The following RIMS2 variants were observed in gnomAD, a reference collection of about 807,000 sequenced individuals.
RIMS2 encodes regulating synaptic membrane exocytosis protein 2.
RIMS2 carries 59 observed loss-of-function variants against 174.4 expected under a neutral mutation model. That is an observed-to-expected ratio of 0.34 (90% confidence interval 0.27 to 0.42). RIMS2 has a LOEUF of 0.42. Ranked by LOEUF, RIMS2 falls within the 10% of genes least tolerant of loss-of-function variation. The pLI, the probability that RIMS2 is intolerant of heterozygous loss-of-function variation, is 1.00. For missense variants in RIMS2, 1,620 were observed against 1,666.3 expected (o/e 0.97, Z 0.48); for synonymous variants, 606 against 572.5 (o/e 1.06, Z -0.84).
At chr8:103,608,863 A>G (rs6990447) in intron 1 of RIMS2, among the ~76,000 whole-genome samples, 27,531 of 151,980 alleles carry the variant, frequency 0.18, 2,715 homozygotes, top group African/African-American at 0.25. Flanking sequence ...CGCACGGTGC[A>G]CGCACCCACT....
intron 1 of RIMS2, among the ~76,000 whole-genome samples, chr8:103,607,097 C>T (rs976655601): frequency 4.6e-5 from 7 of 151,900 alleles, no homozygotes; most frequent in African/African-American, 7.3e-5. Flanking sequence ...TTCCTAGTCT[C>T]GATGGTCTTT....
At chr8:103,686,408 C>T (rs1268478490) in intron 1 of RIMS2, among the ~76,000 whole-genome samples, 1 of 152,108 alleles carries the variant, frequency 6.6e-6, no homozygotes, top group East Asian at 1.9e-4. Flanking sequence ...TGCTTTATTA[C>T]TGATCTTAGG....
intron 19 of RIMS2, among the ~76,000 whole-genome samples, chr8:104,128,697 C>CA (rs1401583530): frequency 2.6e-5 from 4 of 151,576 alleles, no homozygotes; most frequent in East Asian, 1.9e-4. Context: ...AACTCCATCA[C>CA]AAAAAAATAA....
Position 103,885,296 on chromosome 8 carries a change from A to T in RIMS2, c.699-2A>T. 1 of 1,556,766 alleles carries T rather than the reference A, an allele frequency of 6.4e-7. No individual in the cohort carries two copies. Among genetic ancestry groups the T allele is most frequent in the South Asian group, 1.2e-5 (1 of 82,860 alleles). On this transcript the variant is annotated splice_acceptor_variant, in intron 3 of 23. Transcript: ENST00000504942. LOFTEE classifies it high-confidence loss of function. ...CATTGTTCTTTTCCTTTGGTTACTT[A>T]GGAAAAGAAGCCCATCTGTGTCCAG...
chr8:103,602,650 C>G (rs1419399804), intron 1 of RIMS2, among the ~76,000 whole-genome samples: 1 of 152,138 alleles, frequency 6.6e-6, no homozygotes, highest in Non-Finnish European at 1.5e-5. Context: ...TTTTTTATGG[C>G]TGGATTGTAT....
intron 3 of RIMS2, among the ~76,000 whole-genome samples, chr8:103,786,879 T>A (rs1381068466): frequency 6.6e-6 from 1 of 152,036 alleles, no homozygotes; most frequent in East Asian, 1.9e-4. Context: ...GGTGTTAAAG[T>A]CTCCCATTAT....
intron 19 of RIMS2, among the ~76,000 whole-genome samples, chr8:104,198,356 A>G (rs1179634630): frequency 1.3e-5 from 2 of 152,220 alleles, no homozygotes; most frequent in Admixed American, 6.5e-5. Flanking sequence ...GACCAGAGAG[A>G]ATATTTTCAC....
chr8:103,778,655 A>G (rs1348874548), intron 3 of RIMS2, among the ~76,000 whole-genome samples: 1 of 152,124 alleles, frequency 6.6e-6, no homozygotes, highest in Non-Finnish European at 1.5e-5. Context: ...TTATCCATTG[A>G]TAGGCATTTA....
chr8:104,217,776 A>G (rs966257440), intron 19 of RIMS2, among the ~76,000 whole-genome samples: 1 of 152,248 alleles, frequency 6.6e-6, no homozygotes, highest in Non-Finnish European at 1.5e-5. Flanking sequence ...TTTGGATTTC[A>G]TATTCACATC....
intron 19 of RIMS2, among the ~76,000 whole-genome samples, chr8:104,119,538 C>G (rs1566526241): frequency 1.3e-5 from 2 of 152,040 alleles, no homozygotes; most frequent in African/African-American, 4.8e-5. Flanking sequence ...TCTCTTATTC[C>G]TAAGATAAAA....
chr8:104,011,126 C>T (rs1428395305), intron 17 of RIMS2, among the ~76,000 whole-genome samples: 3 of 152,090 alleles, frequency 2.0e-5, no homozygotes, highest in African/African-American at 7.2e-5. Flanking sequence ...GGCATTGCTG[C>T]TTTAAATTTT....
chr8:104,202,732 G>A (rs908107767), intron 19 of RIMS2, among the ~76,000 whole-genome samples: 8 of 152,158 alleles, frequency 5.3e-5, no homozygotes, highest in African/African-American at 1.9e-4. Context: ...TTAATGCCTT[G>A]TTAACCTAAT....
intron 19 of RIMS2, among the ~76,000 whole-genome samples, chr8:104,098,977 T>C (rs931165865): frequency 2.6e-5 from 4 of 152,226 alleles, no homozygotes; most frequent in Admixed American, 6.5e-5. Flanking sequence ...CTATCTATTT[T>C]GTCTATCTAG....
At chr8:103,642,809 A>G (rs1023820853) in intron 1 of RIMS2, among the ~76,000 whole-genome samples, 2 of 151,856 alleles carry the variant, frequency 1.3e-5, no homozygotes, top group Admixed American at 1.3e-4. Flanking sequence ...CTCTGTAGAT[A>G]AGGTGTTTGC....
At chr8:103,736,880 G>T (rs2097691591) in intron 2 of RIMS2, among the ~76,000 whole-genome samples, 2 of 152,100 alleles carry the variant, frequency 1.3e-5, no homozygotes, top group African/African-American at 4.8e-5. Context: ...TTTGTGAGCA[G>T]GAATGAATTG....
intron 1 of RIMS2, among the ~76,000 whole-genome samples, chr8:103,624,136 A>G (rs916495169): frequency 1.3e-5 from 2 of 152,206 alleles, no homozygotes; most frequent in Non-Finnish European, 2.9e-5. Flanking sequence ...TGACTGGCCA[A>G]GGGGGGCCCA....
intron 3 of RIMS2, among the ~76,000 whole-genome samples, chr8:103,857,081 C>T (rs916106280): frequency 6.6e-5 from 10 of 152,080 alleles, no homozygotes; most frequent in South Asian, 2.1e-4. Context: ...AAATCTGCAA[C>T]CTGTCTTCTT....
intron 16 of RIMS2, among the ~76,000 whole-genome samples, chr8:103,987,284 C>A (rs2094431021): frequency 6.6e-6 from 1 of 151,860 alleles, no homozygotes; most frequent in Admixed American, 6.6e-5. Context: ...GCTTAAGAAG[C>A]CCATTTTAGT....
chr8:104,122,363 T>A (rs187880813), intron 19 of RIMS2, among the ~76,000 whole-genome samples: 2 of 152,242 alleles, frequency 1.3e-5, no homozygotes, highest in East Asian at 3.9e-4. Flanking sequence ...CGTTTTTACC[T>A]GGAGCATGCA....
Sources: allele counts gnomAD v4.1 joint callset (sites outside exome capture counted in the v4.1 genomes callset), GRCh38; gene constraint gnomAD v4.1.1; transcripts MANE v1.5; gene names NCBI Gene and HGNC (gene_info 2026-07-23, HGNC 2026-07-21).